ITPR2: variants seen among roughly 807,000 people sequenced by gnomAD.
ITPR2 encodes inositol 1,4,5-trisphosphate-gated calcium channel ITPR2.
In ITPR2, 207 loss-of-function variants were observed where a neutral mutation model predicts 317.1. The observed-to-expected ratio is 0.65, with a 90% CI of 0.58 to 0.73. ITPR2 has a LOEUF of 0.73. Among genes scored for constraint, ITPR2 ranks in the 30% least tolerant of loss-of-function variants. The pLI, the probability that ITPR2 is intolerant of heterozygous loss-of-function variation, is 0.00. For synonymous variants in ITPR2, 1,156 were observed against 1,149.1 expected, an observed-to-expected ratio of 1.01 and a Z score of -0.12; for missense variants, 2,613 against 3,284.0, an observed-to-expected ratio of 0.80 and a Z score of 4.99.
intron 9 of ITPR2, among the ~76,000 whole-genome samples, chr12:26,699,064 AC>A (rs1948399191): frequency 6.6e-6 from 1 of 151,870 alleles, no homozygotes; most frequent in Non-Finnish European, 1.5e-5. Context: ...ATGATATGCA[AC>A]ATGTTCGACC....
intron 55 of ITPR2, among the ~76,000 whole-genome samples, chr12:26,354,223 G>A (rs943288835): frequency 6.6e-5 from 10 of 151,862 alleles, no homozygotes; most frequent in Non-Finnish European, 1.5e-4. Context: ...GCAGTGAGCC[G>A]AGATTGCGCC....
intron 2 of ITPR2, among the ~76,000 whole-genome samples, chr12:26,771,899 A>G (rs1266402388): frequency 6.6e-6 from 1 of 152,132 alleles, no homozygotes; most frequent in Non-Finnish European, 1.5e-5. Context: ...ATAATAATAT[A>G]TACCTCATAT....
intron 48 of ITPR2, among the ~76,000 whole-genome samples, chr12:26,430,483 C>T (rs1941177239): frequency 6.6e-6 from 1 of 152,102 alleles, no homozygotes; most frequent in Non-Finnish European, 1.5e-5. Context: ...AGGCTGGTCT[C>T]GAACTCCTGA....
chr12:26,666,143 T>TAGAC, intron 13 of ITPR2, 92 bp from the exon 14 acceptor site: 3 of 388,362 alleles, frequency 7.7e-6, no homozygotes, highest in Non-Finnish European at 1.2e-5. Flanking sequence ...TAGAGATAGA[T>TAGAC]AGATAGATAG....
At chr12:26,651,545 T>C (rs1273608794) in intron 21 of ITPR2, among the ~76,000 whole-genome samples, 1 of 152,258 alleles carries the variant, frequency 6.6e-6, no homozygotes, top group African/African-American at 2.4e-5. Context: ...TTTTCCATAG[T>C]CCACTGTGCT....
At chr12:26,414,085 AC>A (rs1940645282) in intron 51 of ITPR2, among the ~76,000 whole-genome samples, 5 of 151,618 alleles carry the variant, frequency 3.3e-5, no homozygotes, top group Admixed American at 6.6e-5. Context: ...ACACACACAC[AC>A]AAACACAAGT....
Position 26,578,698 on chromosome 12 carries a change from C to T in ITPR2, c.4630+15G>A. Reference sequence around the variant, plus strand: ...AAGAAATGTAAAAATAAGTAAAACTCAAACTATGACTTACCCACTTCAGCC... The same window carrying T: ...AAGAAATGTAAAAATAAGTAAAACTTAAACTATGACTTACCCACTTCAGCC... On this transcript the variant is annotated intron_variant, in intron 34 of 56. Coordinates refer to ENST00000381340, the MANE Select transcript of ITPR2 (RefSeq NM_002223.4). The T allele has an allele frequency of 6.4e-7, 1 of 1,573,610 alleles. No individual in the cohort carries two copies.
At chr12:26,628,687 T>C (rs891279961) in intron 22 of ITPR2, among the ~76,000 whole-genome samples, 2 of 152,224 alleles carry the variant, frequency 1.3e-5, no homozygotes, top group Non-Finnish European at 2.9e-5. Context: ...TGAGTTTGGG[T>C]TGCTGTCATT....
intron 32 of ITPR2, among the ~76,000 whole-genome samples, chr12:26,583,210 A>C (rs1476005821): frequency 1.3e-5 from 2 of 152,146 alleles, no homozygotes; most frequent in African/African-American, 4.8e-5. Context: ...AATTATACCT[A>C]AAAGTTATTT....
chr12:26,414,050 TACACACACACAC>T (rs777855580), intron 51 of ITPR2, among the ~76,000 whole-genome samples: 3 of 138,112 alleles, frequency 2.2e-5, no homozygotes, highest in African/African-American at 8.4e-5. Context: ...TGTATATATG[TACACACACACAC>T]ACACACACAC....
rs544163851 is a variant in ITPR2 at position 26,809,095 on chromosome 12, T to C, written c.93-18868A>G. The stretch of plus-strand genomic sequence containing the variant: ...CTTCCTGGACCCAAAAGGAAAGGCA[T>C]CTCCTCTCATCTGCAAAATAGTTTT... On this transcript the variant is annotated intron_variant, in intron 1 of 56. Coordinates refer to ENST00000381340, the MANE Select transcript of ITPR2 (RefSeq NM_002223.4). 7.2e-5 allele frequency among the ~76,000 whole-genome samples: 11 copies of C among 152,284 alleles called. No homozygotes were observed. The South Asian group carries it at 2.3e-3, about 32-fold the overall frequency.
intron 39 of ITPR2, among the ~76,000 whole-genome samples, chr12:26,491,327 C>T (rs1334698434): frequency 6.6e-6 from 1 of 151,168 alleles, no homozygotes; most frequent in Non-Finnish European, 1.5e-5. Flanking sequence ...ACTAAAAATA[C>T]AAAAAATTAG....
chr12:26,635,484 T>C (rs1439652518), intron 21 of ITPR2, among the ~76,000 whole-genome samples: 1 of 152,242 alleles, frequency 6.6e-6, no homozygotes, highest in Non-Finnish European at 1.5e-5. Flanking sequence ...ACAGACACAT[T>C]TGATTCTAAG....
chr12:26,559,784 A>G (rs1368073745), intron 35 of ITPR2, among the ~76,000 whole-genome samples: 1 of 151,948 alleles, frequency 6.6e-6, no homozygotes, highest in Non-Finnish European at 1.5e-5. Flanking sequence ...TGCATTTCCT[A>G]TTTCCTTCCC....
chr12:26,674,118 G>T (rs1947854356), intron 13 of ITPR2, among the ~76,000 whole-genome samples: 1 of 140,474 alleles, frequency 7.1e-6, no homozygotes, highest in Admixed American at 7.4e-5. Flanking sequence ...TGGCCATACT[G>T]CCCAAGGTAA....
intron 40 of ITPR2, 63 bp from the exon 41 acceptor site, chr12:26,486,423 A>AG: frequency 1.5e-6 from 2 of 1,357,526 alleles, no homozygotes; most frequent in Non-Finnish European, 2.0e-6. Context: ...TAAAAAAAAA[A>AG]AAACAAACCA....
intron 9 of ITPR2, among the ~76,000 whole-genome samples, chr12:26,697,084 T>C (rs1421458999): frequency 1.3e-5 from 2 of 152,192 alleles, no homozygotes; most frequent in Non-Finnish European, 2.9e-5. Context: ...GCAACTGCCT[T>C]AGTTAAACCC....
intron 1 of ITPR2, among the ~76,000 whole-genome samples, chr12:26,799,091 A>AT (rs1950509208): frequency 6.6e-6 from 1 of 152,236 alleles, no homozygotes. Flanking sequence ...AGTATGTTTA[A>AT]TTCCATATAT....
chr12:26,585,074 A>T (rs947862335), intron 32 of ITPR2, among the ~76,000 whole-genome samples: 5 of 152,188 alleles, frequency 3.3e-5, no homozygotes, highest in Admixed American at 6.5e-5. Context: ...ATACCAATAC[A>T]TATTAATTGT....
Sources: allele counts gnomAD v4.1 joint callset (sites outside exome capture counted in the v4.1 genomes callset), GRCh38; gene constraint gnomAD v4.1.1; transcripts MANE v1.5; gene names NCBI Gene and HGNC (gene_info 2026-07-23, HGNC 2026-07-21).